The following CHST8 variants were observed in gnomAD, a reference collection of about 807,000 sequenced individuals.
CHST8 encodes GALNAC-4-ST1.
A neutral mutation model predicts 15.0 loss-of-function variants in CHST8; 10 were observed. The ratio of observed to expected loss-of-function variants is 0.67; its 90% CI spans 0.41 to 1.13. The LOEUF is 1.13. CHST8 is among the 50% of genes most tolerant of loss of function. CHST8 has a pLI of 0.00. For missense variants in CHST8, 634 were observed against 608.2 expected (o/e 1.04, Z -0.45); for synonymous variants, 259 against 256.6 (o/e 1.01, Z -0.09).
At chr19:33,633,885 A>G (rs1056865989) in intron 1 of CHST8, among the ~76,000 whole-genome samples, 1 of 148,002 alleles carries the variant, frequency 6.8e-6, no homozygotes, top group Admixed American at 6.8e-5. Flanking sequence ...GGCAGCCTTG[A>G]CCTCCCACGT....
At chr19:33,766,660 C>T (rs1974852178) in intron 3 of CHST8, among the ~76,000 whole-genome samples, 1 of 152,226 alleles carries the variant, frequency 6.6e-6, no homozygotes, top group Admixed American at 6.5e-5. Flanking sequence ...AGCCGAAGCT[C>T]AGAATCCGGG....
intron 1 of CHST8, among the ~76,000 whole-genome samples, chr19:33,631,494 G>A (rs548508166): frequency 2.0e-5 from 3 of 152,200 alleles, no homozygotes; most frequent in Admixed American, 6.5e-5. Flanking sequence ...CATCCCTCGC[G>A]ACAGCCACTC....
chr19:33,633,736 G>T (rs1972154501), intron 1 of CHST8, among the ~76,000 whole-genome samples: 2 of 151,288 alleles, frequency 1.3e-5, no homozygotes, highest in Non-Finnish European at 2.9e-5. Flanking sequence ...GAATTGTTGG[G>T]CCCCAGGGTG....
At chr19:33,695,821 C>CTTTCTTTCTTTCTTTCT (rs57718433) in intron 3 of CHST8, among the ~76,000 whole-genome samples, 10 of 76,228 alleles carry the variant, frequency 1.3e-4, no homozygotes, top group South Asian at 4.8e-4. Flanking sequence ...TTCTTTCTTT[C>CTTTCTTTCTTTCTTTCT]TTTTTTTTTT....
chr19:33,680,648 A>G (rs1484073732), intron 2 of CHST8, among the ~76,000 whole-genome samples: 1 of 152,244 alleles, frequency 6.6e-6, no homozygotes, highest in Admixed American at 6.5e-5. Flanking sequence ...AATTGTTTGC[A>G]TTTTTAAAGT....
intron 3 of CHST8, among the ~76,000 whole-genome samples, chr19:33,730,093 C>T (rs576871713): frequency 1.3e-5 from 2 of 152,300 alleles, no homozygotes; most frequent in East Asian, 1.9e-4. Flanking sequence ...TGGGGGTGTG[C>T]ATCGTCAAGA....
At chr19:33,660,148 A>G (rs1020616346) in intron 1 of CHST8, among the ~76,000 whole-genome samples, 5 of 151,840 alleles carry the variant, frequency 3.3e-5, no homozygotes, top group Non-Finnish European at 4.4e-5. Context: ...CCCCATTTTT[A>G]TATCTTTTTG....
In CHST8 at chr19:33,712,275, G is replaced by A. The variant is rs74443551; in HGVS notation, c.130+22884G>A. Among the ~76,000 whole-genome samples the A allele has an allele frequency of 1.2e-3, 187 of 152,302 alleles. 1 individual carries two copies. Among genetic ancestry groups the A allele is most frequent in the African/African-American group, 4.4e-3 (182 of 41,576 alleles). Reference sequence around the variant, plus strand: ...CCATCCATGGTTATGGGGATGGCCAGCACTCAACACTGGACAGAAGAGATC... The same window carrying A: ...CCATCCATGGTTATGGGGATGGCCAACACTCAACACTGGACAGAAGAGATC... On this transcript the variant is annotated intron_variant, in intron 3 of 4. Coordinates refer to ENST00000650847, the MANE Select transcript of CHST8 (RefSeq NM_001127895.2).
intron 3 of CHST8, among the ~76,000 whole-genome samples, chr19:33,690,858 G>A (rs1191364216): frequency 2.0e-5 from 3 of 152,250 alleles, no homozygotes; most frequent in Admixed American, 6.5e-5. Flanking sequence ...CTAAGGTCAT[G>A]TGTTATCTGC....
chr19:33,739,268 T>G (rs146120884), intron 3 of CHST8, among the ~76,000 whole-genome samples: 2,841 of 152,114 alleles, frequency 0.019, 33 homozygotes, highest in Non-Finnish European at 0.027. Flanking sequence ...CTCTCCCCCC[T>G]CCTCCACAAG....
At chr19:33,732,011 A>G (rs4805056) in intron 3 of CHST8, among the ~76,000 whole-genome samples, 2,850 of 152,274 alleles carry the variant, frequency 0.019, 34 homozygotes, top group Non-Finnish European at 0.027. Flanking sequence ...CACTGCTCAC[A>G]CTGGGACAGC....
At chr19:33,734,679 A>C (rs1243436007) in intron 3 of CHST8, among the ~76,000 whole-genome samples, 1 of 152,138 alleles carries the variant, frequency 6.6e-6, no homozygotes, top group Non-Finnish European at 1.5e-5. Context: ...CTCAGTGCCC[A>C]GGCCAGGAGG....
In CHST8 at chr19:33,772,622, C is replaced by G. The variant is rs1975021198; in HGVS notation, c.834C>G (p.Tyr278Ter). 1.2e-6 allele frequency: 2 copies of G among 1,614,074 alleles called. No individual in the cohort carries two copies. The highest frequency in any genetic ancestry group is 1.7e-6 in the Non-Finnish European group (2 of 1,180,038). Reference protein sequence around the residue: ...FRDKFEHPNSYYHPVFGKAIL... With the variant: ...FRDKFEHPNS ...ACAAGTTTGAGCACCCCAACAGCTA[C>G]TATCACCCGGTCTTCGGCAAGGCCA... The change falls in exon 5 of 5, where the codon TAC becomes TAG. Residue 278 changes from tyrosine to a stop codon, truncating the protein, a stop_gained. Coordinates refer to ENST00000650847, the MANE Select transcript of CHST8 (RefSeq NM_001127895.2). LOFTEE classifies it high-confidence loss of function.
chr19:33,699,853 TCCCC>T (rs921561080), intron 3 of CHST8, among the ~76,000 whole-genome samples: 5 of 152,050 alleles, frequency 3.3e-5, no homozygotes, highest in Non-Finnish European at 5.9e-5. Context: ...TCTGAGTGTG[TCCCC>T]CTGGAGCTCT....
chr19:33,767,952 C>T (rs1974884840), intron 3 of CHST8, among the ~76,000 whole-genome samples: 2 of 152,144 alleles, frequency 1.3e-5, no homozygotes, highest in South Asian at 4.1e-4. Context: ...CTCCTTCCCA[C>T]CCATAAGTGC....
intron 3 of CHST8, among the ~76,000 whole-genome samples, chr19:33,731,491 G>T (rs1368912686): frequency 6.6e-6 from 1 of 152,092 alleles, no homozygotes; most frequent in Non-Finnish European, 1.5e-5. Context: ...GACAACCGGG[G>T]GTCACTTTCA....
intron 3 of CHST8, among the ~76,000 whole-genome samples, chr19:33,704,019 T>C (rs983587247): frequency 6.6e-6 from 1 of 152,140 alleles, no homozygotes; most frequent in African/African-American, 2.4e-5. Flanking sequence ...CAGAGGGAAG[T>C]CGGGGGCTGC....
intron 1 of CHST8, among the ~76,000 whole-genome samples, chr19:33,664,106 A>T (rs1309922273): frequency 6.6e-6 from 1 of 152,118 alleles, no homozygotes; most frequent in Non-Finnish European, 1.5e-5. Context: ...CGCAGTTCGG[A>T]GTGGACTGGA....
chr19:33,683,813 A>G (rs958677614), intron 2 of CHST8, among the ~76,000 whole-genome samples: 1 of 152,178 alleles, frequency 6.6e-6, no homozygotes, highest in Admixed American at 6.5e-5. Flanking sequence ...ACAGTGAGGG[A>G]AGGGCTGTCA....
Sources: gnomAD v4.1 joint callset for allele counts (sites outside exome capture counted in the v4.1 genomes callset) on GRCh38, gnomAD v4.1.1 for gene constraint, MANE v1.5 for transcripts, NCBI Gene and HGNC (gene_info 2026-07-23, HGNC 2026-07-21) for gene names.